The following HGFAC variants were observed in gnomAD, a reference collection of about 807,000 sequenced individuals.
HGFAC encodes the protein HGF activator.
In HGFAC, 76 loss-of-function variants were observed where a neutral mutation model predicts 70.6. The ratio of observed to expected loss-of-function variants is 1.08; its 90% CI spans 0.89 to 1.30. The LOEUF (loss-of-function observed/expected upper bound fraction) is 1.30. Among genes scored for constraint, HGFAC ranks in the 50% most tolerant of loss-of-function variants. The pLI, the probability that HGFAC is intolerant of heterozygous loss-of-function variation, is 0.00. For synonymous variants in HGFAC, 464 were observed against 405.3 expected (o/e 1.14, Z -1.74); for missense variants, 1,044 against 933.7 (o/e 1.12, Z -1.54).
chr4:3,446,635 G>A (rs1195497583), intron 10 of HGFAC, among the ~76,000 whole-genome samples: 2 of 152,124 alleles, frequency 1.3e-5, no homozygotes, highest in East Asian at 3.9e-4. Context: ...TAGGGAGCCA[G>A]GGAGCGCAGT....
At chr4:3,441,817 C>T (rs948019899), upstream of HGFAC, 9 of 505,158 alleles carry the variant, frequency 1.8e-5, no homozygotes, top group African/African-American at 4.1e-5. This position sits in a 1 kb window ranked among gnomAD's most constrained non-coding sequence, Gnocchi z 6.0. Context: ...GCTGGGCTTC[C>T]AGGTAGGGTC....
Position 3,449,435 on chromosome 4 carries a change from C to A in HGFAC, c.*16C>A. 4.0e-6 allele frequency: 6 copies of A among 1,507,130 alleles called. No individual in the cohort carries two copies. Among genetic ancestry groups the A allele is most frequent in the Non-Finnish European group, 5.3e-6 (6 of 1,125,872 alleles). 93.4% of individuals were successfully genotyped at this position (1,507,130 alleles called of 1,614,324 possible). A position where few individuals can be genotyped will look rare whatever the true frequency, so the allele number is the denominator to read the frequency against. On this transcript the variant is annotated 3_prime_UTR_variant, in exon 14 of 14. Coordinates refer to ENST00000382774, the MANE Select transcript of HGFAC (RefSeq NM_001528.4). ...TCCCTCCTGACCCTCCAGCGGGACA[C>A]CCTGGTTCCCACCATTCCCTGCCTT...
chr4:3,448,170 C>T lies in HGFAC; in HGVS notation c.1679C>T (p.Pro560Leu), dbSNP rs1352145188. The change falls in exon 13 of 14, where the codon CCC becomes CTC. Residue 560 changes from proline to leucine, a missense_variant. Physicochemically the swap from Pro to Leu is moderately conservative, Grantham distance 98. Coordinates refer to ENST00000382774, the MANE Select transcript of HGFAC (RefSeq NM_001528.4). ...YSSSLREALV[P>L]LVADHKCSSP... is the part of the protein sequence containing the mutation. ...AGCTCCCTGCGGGAGGCCCTGGTCC[C>T]CCTGGTCGCCGACCACAAGTGCAGC... is the stretch of plus-strand genomic sequence containing the variant. The T allele has an allele frequency of 6.2e-7, 1 of 1,600,798 alleles. No individual in the cohort carries two copies. The highest frequency in any genetic ancestry group is 1.7e-5 in the Admixed American group (1 of 58,852).
Position 3,448,918 on chromosome 4 carries a change from G to A in HGFAC, c.1786-319G>A, listed in dbSNP as rs191573978. Among the ~76,000 whole-genome samples the A allele has an allele frequency of 3.3e-5, 5 of 152,286 alleles. No individual in the cohort carries two copies. In the East Asian group the frequency reaches 5.8e-4, roughly 18 times the overall value. ...TGTTTGCACTGGTCCTGAGTGATGC[G>A]TAGGAGTTTTCCAGGGAGTGAAGAA... is the stretch of plus-strand genomic sequence containing the variant. On this transcript the variant is annotated intron_variant, in intron 13 of 13. Coordinates refer to ENST00000382774, the MANE Select transcript of HGFAC (RefSeq NM_001528.4).
intron 4 of HGFAC, 27 bp from the exon 5 acceptor site, chr4:3,444,012 C>T: frequency 6.4e-7 from 1 of 1,555,624 alleles, no homozygotes; most frequent in Non-Finnish European, 8.6e-7. Context: ...CAGTCCGCCC[C>T]TCACACCCCC....
Position 3,447,937 on chromosome 4 carries a change from GC to G in HGFAC, c.1539del (p.Ser514ArgfsTer34). The G allele has an allele frequency of 6.2e-7, 1 of 1,607,822 alleles. No homozygotes were observed. The highest frequency in any genetic ancestry group is 8.5e-7 in the Non-Finnish European group (1 of 1,177,770). On this transcript the variant is annotated frameshift_variant, in exon 12 of 14. Transcript: ENST00000382774. LOFTEE classifies it high-confidence loss of function. Reference sequence around the variant, plus strand: ...AAGAAAGGGGACCGCTGTGCCACACGCTCGCAGTTCGTGCAGCCCATCTGCC... The same window carrying G: ...AAGAAAGGGGACCGCTGTGCCACACGTCGCAGTTCGTGCAGCCCATCTGCC... ...LKKKGDRCAT[R>X]SQFVQPICLP...
At position 3,449,245 on chromosome 4, in the gene HGFAC, A is replaced by AG. The variant is rs770643102; in HGVS notation, c.1800dup (p.Pro601AlafsTer20). 6.2e-7 allele frequency: 1 copy of AG among 1,611,286 alleles called. No individual in the cohort carries two copies. Among genetic ancestry groups the AG allele is most frequent in the East Asian group, 2.2e-5 (1 of 44,782 alleles). ...CCAACGTCTCTGCCCAGGGGGACTC[A>AG]GGGGGGCCCCTGGCCTGCGAGAAGA... On this transcript the variant is annotated frameshift_variant, in exon 14 of 14. Coordinates refer to ENST00000382774, the MANE Select transcript of HGFAC (RefSeq NM_001528.4). LOFTEE classifies it low-confidence loss of function (END_TRUNC).
rs2073998353 is a variant in HGFAC, at chr4:3,445,777, G to A, written c.1103-265G>A. ...TCTGACTGTGCTGGGGCTGGCTGTGGGGTTCCGGGCTGCTGAGGGGGCCAC... is the reference window on the plus strand; with the variant it reads ...TCTGACTGTGCTGGGGCTGGCTGTGAGGTTCCGGGCTGCTGAGGGGGCCAC... On this transcript the variant is annotated intron_variant, in intron 9 of 13. Coordinates refer to ENST00000382774, the MANE Select transcript of HGFAC (RefSeq NM_001528.4). 5 of 1,173,960 alleles carry A rather than the reference G, an allele frequency of 4.3e-6. No homozygotes were observed. In the African/African-American group the frequency reaches 7.6e-5, roughly 18 times the overall value. 72.7% of individuals were successfully genotyped at this position (1,173,960 alleles called of 1,614,324 possible). A position where few individuals can be genotyped will look rare whatever the true frequency, so the allele number is the denominator to read the frequency against.
rs151270002 is a variant in HGFAC, at chr4:3,444,390, A to T, written c.678A>T (p.Glu226Asp). The T allele has an allele frequency of 8.6e-4, 1,376 of 1,605,724 alleles. 13 individuals carry two copies. In the African/African-American group the frequency reaches 0.016, roughly 19 times the overall value. ...CCCGCGTGCGCCAGGGCCACGTGGA[A>T]CAGTGCGAGTGCTTCGGGGGCCGGA... Reference protein sequence around the residue: ...RWARVRQGHVEQCECFGGRTW... With the variant: ...RWARVRQGHVDQCECFGGRTW... Residue 226 changes from glutamate (E) to aspartate (D), a missense_variant, in exon 6 of 14, where the codon GAA (glutamate) becomes GAT (aspartate). Glu to Asp is a conservative substitution (Grantham distance 45). Transcript: ENST00000382774.
chr4:3,445,684 C>A, intron 9 of HGFAC: 1 of 623,070 alleles, frequency 1.6e-6, no homozygotes, highest in South Asian at 2.0e-5. Context: ...TGCTTCCTGC[C>A]CTGGGGAGAG....
At position 3,446,300 on chromosome 4, in the gene HGFAC, C is replaced by T; in HGVS notation, c.1355+6C>T. The T allele has an allele frequency of 9.4e-6, 15 of 1,602,618 alleles. No individual in the cohort carries two copies. The highest frequency in any genetic ancestry group is 1.3e-5 in the Non-Finnish European group (15 of 1,175,842). On this transcript the variant is annotated splice_donor_region_variant and intron_variant, in intron 10 of 13. Transcript: ENST00000382774. Reference sequence around the variant, plus strand: ...GCCCACTGCTTCTCCCACAGGTGCACCTCCTCTGGGCCCCAGTCACCTGCC... The same window carrying T: ...GCCCACTGCTTCTCCCACAGGTGCATCTCCTCTGGGCCCCAGTCACCTGCC...
At position 3,447,587 on chromosome 4, in the gene HGFAC, C is replaced by G; in HGVS notation, c.1451C>G (p.Pro484Arg). 1 of 1,612,690 alleles carries G rather than the reference C, an allele frequency of 6.2e-7. No individual in the cohort carries two copies. Among genetic ancestry groups the G allele is most frequent in the Non-Finnish European group, 8.5e-7 (1 of 1,179,898 alleles). ...TQTFGIEKYI[P>R]YTLYSVFNPS... ...ACCTTCGGCATCGAGAAGTACATCC[C>G]GTACACCCTGTACTCGGTGTTCAAC... Residue 484 changes from proline (P) to arginine (R), a missense_variant, in exon 11 of 14, where the codon CCG becomes CGG. By Grantham distance (103) the Pro-to-Arg change is moderately radical. Coordinates refer to ENST00000382774, the MANE Select transcript of HGFAC (RefSeq NM_001528.4).
chr4:3,444,511 G>T, intron 6 of HGFAC, 69 bp downstream of exon 6: 3 of 1,519,844 alleles, frequency 2.0e-6, no homozygotes, highest in Non-Finnish European at 2.6e-6. Flanking sequence ...CGAGTGGGAG[G>T]AATGGCCTGA....
At chr4:3,441,098 A>G (rs1560190093), upstream of HGFAC, among the ~76,000 whole-genome samples, 3 of 152,130 alleles carry the variant, frequency 2.0e-5, no homozygotes, top group South Asian at 6.2e-4. The surrounding 1 kb of genome is among the most constrained non-coding windows in gnomAD (Gnocchi z 6.0). Context: ...CGGCTGCTCC[A>G]ATATTGCAGA....
chr4:3,443,902 G>C, intron 4 of HGFAC, 137 bp from the exon 5 acceptor site: 1 of 929,720 alleles, frequency 1.1e-6, no homozygotes, highest in Non-Finnish European at 1.6e-6. Flanking sequence ...CTTGCACCCC[G>C]AGGGGCGTAG....
intron 1 of HGFAC, 109 bp downstream of exon 1, chr4:3,442,227 G>T: frequency 3.7e-6 from 3 of 819,936 alleles, no homozygotes; most frequent in Non-Finnish European, 5.6e-6. Flanking sequence ...ATTTGAGGGG[G>T]CGGGGGTCCG....
intron 13 of HGFAC, 58 bp from the exon 14 acceptor site, chr4:3,449,179 A>G: frequency 1.3e-6 from 2 of 1,505,096 alleles, no homozygotes; most frequent in Non-Finnish European, 9.1e-7. Context: ...CTTGGGGGAG[A>G]GGGGGGTCCC....
At position 3,443,436 on chromosome 4, in the gene HGFAC, G is replaced by T; in HGVS notation, c.475+16G>T. 7.0e-7 allele frequency: 1 copy of T among 1,428,954 alleles called. No individual in the cohort carries two copies. The highest frequency in any genetic ancestry group is 9.2e-7 in the Non-Finnish European group (1 of 1,083,752). 88.5% of individuals were successfully genotyped at this position (1,428,954 alleles called of 1,614,324 possible). A position where few individuals can be genotyped will look rare whatever the true frequency, so the allele number is the denominator to read the frequency against. ...GGGGGCCCAGGTGGGTGCTGGGTTGGGTAGCCTGGGGCGGGCAGGGGGCAC... is the reference window on the plus strand; with the variant it reads ...GGGGGCCCAGGTGGGTGCTGGGTTGTGTAGCCTGGGGCGGGCAGGGGGCAC... On this transcript the variant is annotated intron_variant, in intron 4 of 13. Transcript: ENST00000382774.
At position 3,444,688 on chromosome 4, in the gene HGFAC, G is replaced by A. The variant is rs141551121; in HGVS notation, c.796G>A (p.Val266Met). The A allele has an allele frequency of 3.3e-5, 53 of 1,597,358 alleles. 1 individual carries two copies. Among genetic ancestry groups the A allele is most frequent in the African/African-American group, 2.0e-4 (15 of 74,872 alleles). ...CCTGATCGTGGCCACCGGGACCACC[G>A]TGTGTGCCTGCCCACCAGGCTTCGC... ...CHLIVATGTT[V>M]CACPPGFAGR... The change falls in exon 7 of 14, where the codon GTG (valine) becomes ATG (methionine). Residue 266 changes from valine to methionine, a missense_variant. By Grantham distance (21) the Val-to-Met change is conservative. Transcript: ENST00000382774.
Sources: gnomAD v4.1 joint callset for allele counts (sites outside exome capture counted in the v4.1 genomes callset) on GRCh38, gnomAD v4.1.1 for gene constraint, Gnocchi (gnomAD v3.1) non-coding constraint, MANE v1.5 for transcripts, NCBI Gene and HGNC (gene_info 2026-07-23, HGNC 2026-07-21) for gene names.